The following RIMS1 variants were observed in gnomAD, a reference collection of about 807,000 sequenced individuals.
RIMS1 encodes the protein regulating synaptic membrane exocytosis 1.
A neutral mutation model predicts 214.1 loss-of-function variants in RIMS1; 83 were observed. That is an observed-to-expected ratio of 0.39 (90% confidence interval 0.32 to 0.47). The LOEUF is 0.47. Ranked by LOEUF, RIMS1 falls within the 20% of genes least tolerant of loss-of-function variation. RIMS1 has a pLI of 0.99. For missense variants in RIMS1, 2,050 were observed against 2,161.8 expected, an observed-to-expected ratio of 0.95 and a Z score of 1.03; for synonymous variants, 793 against 786.8, an observed-to-expected ratio of 1.01 and a Z score of -0.13.
At chr6:72,291,475 A>G (rs1218096519) in intron 25 of RIMS1, among the ~76,000 whole-genome samples, 1 of 152,240 alleles carries the variant, frequency 6.6e-6, no homozygotes, top group African/African-American at 2.4e-5. Context: ...GGTAATTTAT[A>G]AAAGTCTGCA....
chr6:71,965,917 C>G (rs1396217105), intron 1 of RIMS1, among the ~76,000 whole-genome samples: 3 of 152,082 alleles, frequency 2.0e-5, no homozygotes, highest in Non-Finnish European at 4.4e-5. Context: ...CTGCAACATA[C>G]TGAAATATCA....
chr6:72,334,451 A>G (rs147305923), intron 29 of RIMS1, among the ~76,000 whole-genome samples: 3 of 152,046 alleles, frequency 2.0e-5, no homozygotes, highest in African/African-American at 7.2e-5. Context: ...CTAAAGGTAT[A>G]TATTTAAAAA....
intron 2 of RIMS1, among the ~76,000 whole-genome samples, chr6:72,036,861 C>T (rs909987390): frequency 1.3e-5 from 2 of 152,108 alleles, no homozygotes; most frequent in East Asian, 3.9e-4. Flanking sequence ...AAGGGGGCAA[C>T]ATGGGAATTT....
At chr6:72,382,314 T>G (rs2098504108) in intron 29 of RIMS1, among the ~76,000 whole-genome samples, 1 of 152,210 alleles carries the variant, frequency 6.6e-6, no homozygotes. Context: ...AAAGGAACAT[T>G]TGTGTTTATT....
At chr6:72,234,053 ATAAG>A (rs1230502679) in intron 7 of RIMS1, among the ~76,000 whole-genome samples, 7 of 152,152 alleles carry the variant, frequency 4.6e-5, no homozygotes, top group Non-Finnish European at 1.0e-4. Flanking sequence ...AATAATTACT[ATAAG>A]TAAGATTGAG....
chr6:72,053,983 G>A (rs1285259741), intron 2 of RIMS1, among the ~76,000 whole-genome samples: 12 of 151,976 alleles, frequency 7.9e-5, no homozygotes, highest in Admixed American at 7.2e-4. Context: ...AAGTATACGT[G>A]TGCCATGGTG....
intron 29 of RIMS1, among the ~76,000 whole-genome samples, chr6:72,374,940 A>G (rs2098332485): frequency 6.6e-6 from 1 of 152,286 alleles, no homozygotes; most frequent in East Asian, 1.9e-4. Context: ...CACAACCTAG[A>G]TGCCTCAGAT....
intron 2 of RIMS1, among the ~76,000 whole-genome samples, chr6:72,036,249 T>C (rs148950157): frequency 4.1e-4 from 62 of 152,220 alleles, no homozygotes; most frequent in African/African-American, 1.4e-3. Context: ...AGTTAAGGAG[T>C]TTCTTAATTT....
chr6:72,272,923 G>T (rs921820097), intron 22 of RIMS1, among the ~76,000 whole-genome samples: 1 of 151,996 alleles, frequency 6.6e-6, no homozygotes, highest in African/African-American at 2.4e-5. Flanking sequence ...ATTCAGATTG[G>T]ATTGACCAAT....
intron 9 of RIMS1, among the ~76,000 whole-genome samples, chr6:72,241,948 G>T (rs1253301853): frequency 6.6e-6 from 1 of 152,108 alleles, no homozygotes; most frequent in African/African-American, 2.4e-5. Flanking sequence ...TTATTATATG[G>T]AGGGCATGCT....
At chr6:72,185,994 T>C (rs1407202645) in intron 6 of RIMS1, among the ~76,000 whole-genome samples, 1 of 152,250 alleles carries the variant, frequency 6.6e-6, no homozygotes, top group Non-Finnish European at 1.5e-5. Flanking sequence ...ATGGTTTCCT[T>C]AATAACTTTT....
chr6:72,003,012 T>G (rs1805839828), intron 2 of RIMS1, among the ~76,000 whole-genome samples: 1 of 152,112 alleles, frequency 6.6e-6, no homozygotes, highest in Non-Finnish European at 1.5e-5. Context: ...ACTAATGAAA[T>G]ATCCATTTTT....
At position 72,183,049 on chromosome 6, in the gene RIMS1, G is replaced by A; in HGVS notation, c.1578G>A (p.Arg526=). The change falls in exon 6 of 34, where the codon CGG becomes CGA. Residue 526 remains arginine (R), a synonymous_variant. Transcript: ENST00000521978. ...GGTCCAAGAGAGGCGGCAAGAAGCGGCAGATGTCGGTGAGCAGCTCTGAGG... is the reference window on the plus strand; with the variant it reads ...GGTCCAAGAGAGGCGGCAAGAAGCGACAGATGTCGGTGAGCAGCTCTGAGG... ...PHRSKRGGKK[R]QMSVSSSEEE... The A allele has an allele frequency of 6.3e-7, 1 of 1,597,982 alleles. No individual in the cohort carries two copies.
chr6:72,160,769 G>T (rs1285110807), intron 4 of RIMS1, among the ~76,000 whole-genome samples: 1 of 140,828 alleles, frequency 7.1e-6, no homozygotes, highest in Admixed American at 7.3e-5. Flanking sequence ...TTGATGTGCT[G>T]CTGGATTTGG....
At chr6:71,893,489 T>C (rs1352687401) in intron 1 of RIMS1, among the ~76,000 whole-genome samples, 1 of 152,116 alleles carries the variant, frequency 6.6e-6, no homozygotes, top group Non-Finnish European at 1.5e-5. Flanking sequence ...TTTGGAGAAA[T>C]ACAGTAATAA....
In RIMS1 at chr6:72,038,962, G is replaced by A. The variant is rs368846724; in HGVS notation, c.246-57987G>A. 3.3e-5 allele frequency among the ~76,000 whole-genome samples: 5 copies of A among 151,910 alleles called. No homozygotes were observed. In the East Asian group the frequency reaches 9.7e-4, roughly 29 times the overall value. ...CTTAGGTGTCTCCTGATGTATTTAC[G>A]GTTTATAACTTGAAAAAATATTTCT... On this transcript the variant is annotated intron_variant, in intron 2 of 33. Transcript: ENST00000521978.
chr6:72,175,872 A>G (rs886508704), intron 4 of RIMS1, among the ~76,000 whole-genome samples: 1 of 152,102 alleles, frequency 6.6e-6, no homozygotes, highest in African/African-American at 2.4e-5. Flanking sequence ...CTGTATATGT[A>G]TAGTAGAAAG....
chr6:72,370,765 A>C (rs780357432), intron 29 of RIMS1, among the ~76,000 whole-genome samples: 3 of 152,178 alleles, frequency 2.0e-5, no homozygotes, highest in Non-Finnish European at 4.4e-5. Context: ...TGAAAAAAGA[A>C]ATTTGGGGAG....
intron 31 of RIMS1, among the ~76,000 whole-genome samples, chr6:72,395,562 T>A (rs1000465146): frequency 5.3e-5 from 8 of 151,958 alleles, no homozygotes; most frequent in African/African-American, 1.9e-4. Context: ...TAATGGTTAA[T>A]TGGAGGACAG....
Sources: allele counts gnomAD v4.1 joint callset (sites outside exome capture counted in the v4.1 genomes callset), GRCh38; gene constraint gnomAD v4.1.1; transcripts MANE v1.5; gene names NCBI Gene and HGNC (gene_info 2026-07-23, HGNC 2026-07-21).